PENK: variants seen among roughly 807,000 people sequenced by gnomAD.
PENK encodes proenkephalin-A.
PENK carries 25 observed loss-of-function variants against 24.1 expected under a neutral mutation model. The ratio of observed to expected loss-of-function variants is 1.04; its 90% confidence interval spans 0.76 to 1.45. The LOEUF is 1.45. Ranked by LOEUF, PENK falls within the 40% of genes most tolerant of loss-of-function variation. The pLI is 0.00. For missense variants in PENK, 353 were observed against 337.9 expected (o/e 1.04, Z -0.35); for synonymous variants, 135 against 130.3 (o/e 1.04, Z -0.24).
chr8:56,444,175 T>C (rs1437277), intron 3 of PENK, among the ~76,000 whole-genome samples: 125,608 of 152,226 alleles, frequency 0.83, 52,223 homozygotes, highest in African/African-American at 0.93. Context: ...GTGAATCAAA[T>C]AGATTAAGTA....
rs371829670 is a variant in PENK, at chr8:56,441,779, C to T, written c.297G>A (p.Arg99=). 2.9e-5 allele frequency: 47 copies of T among 1,613,874 alleles called. No homozygotes were observed. The highest frequency in any genetic ancestry group is 3.7e-5 in the Non-Finnish European group (44 of 1,180,036). Residue 99 remains arginine, a synonymous_variant, in exon 4 of 4, where the codon AGG becomes AGA. Coordinates refer to ENST00000451791, the MANE Select transcript of PENK (RefSeq NM_001135690.3). ...CATACCTTTTCATGAAGCCCCCATA[C>T]CTTTTGGCTAGCAAATGGCTTTCTT... The part of the protein sequence containing the change: ...KPEESHLLAK[R]YGGFMKRYGG...
intron 3 of PENK, among the ~76,000 whole-genome samples, chr8:56,443,193 G>A (rs944123562): frequency 6.6e-6 from 1 of 152,058 alleles, no homozygotes; most frequent in Non-Finnish European, 1.5e-5. Context: ...ATCTAAAGAT[G>A]ATCCATTAAT....
intron 3 of PENK, among the ~76,000 whole-genome samples, chr8:56,442,796 AATC>A (rs1345528528): frequency 6.6e-6 from 1 of 152,078 alleles, no homozygotes; most frequent in African/African-American, 2.4e-5. Flanking sequence ...GTAAAATAGG[AATC>A]ATCAGCATAC....
intron 3 of PENK, chr8:56,443,969 G>A (rs1006541801): frequency 1.4e-6 from 1 of 702,212 alleles, no homozygotes; most frequent in East Asian, 2.7e-5. Flanking sequence ...ATAAAAAGCA[G>A]TATGGAAAAT....
At position 56,446,196 on chromosome 8, in the gene PENK, C is replaced by T. The variant is rs149481658; in HGVS notation, c.-4+230G>A. 3.3e-3 allele frequency: 1,736 copies of T among 527,140 alleles called. 38 individuals carry two copies. The highest frequency in any genetic ancestry group is 0.03 in the African/African-American group (1,550 of 52,226). 32.7% of individuals were successfully genotyped at this position (527,140 alleles called of 1,614,324 possible). On this transcript the variant is annotated intron_variant, in intron 2 of 3. Coordinates refer to ENST00000451791, the MANE Select transcript of PENK (RefSeq NM_001135690.3). The stretch of plus-strand genomic sequence containing the variant: ...CCCCAACGCGAGGCTGCCTGGGGCA[C>T]CCGGCTCTTTTCCTGGGCGTCCGCG...
Position 56,441,170 on chromosome 8 carries a change from T to C in PENK, c.*102A>G. On this transcript the variant is annotated 3_prime_UTR_variant, in exon 4 of 4. Transcript: ENST00000451791. ...GTTATCCAGACAATGAAGTCAACTA[T>C]ACAAGGCAAGCAACACATGACAATA... 2 of 809,624 alleles carry C rather than the reference T, an allele frequency of 2.5e-6. No homozygotes were observed. Among genetic ancestry groups the C allele is most frequent in the Non-Finnish European group, 4.0e-6 (2 of 498,614 alleles). The allele number at this position is 809,624 out of a possible 1,614,324, so 50.2% of individuals were successfully genotyped here.
In PENK at chr8:56,441,298, T is replaced by C; in HGVS notation, c.778A>G (p.Arg260Gly). The C allele has an allele frequency of 6.2e-7, 1 of 1,605,942 alleles. No homozygotes were observed. The highest frequency in any genetic ancestry group is 2.2e-5 in the East Asian group (1 of 44,794). ...YSKEVPEMEK[R>G]YGGFMRF ...TAAAATCTCATAAATCCTCCGTATCTTTTTTCCATTTCAGGAACTTCTTTG... is the reference window on the plus strand; with the variant it reads ...TAAAATCTCATAAATCCTCCGTATCCTTTTTCCATTTCAGGAACTTCTTTG... The change falls in exon 4 of 4, where the codon AGA becomes GGA. Residue 260 changes from arginine (R) to glycine (G), a missense_variant. Arg to Gly is a moderately radical substitution (Grantham distance 125). Coordinates refer to ENST00000451791, the MANE Select transcript of PENK (RefSeq NM_001135690.3).
At chr8:56,445,535 G>A in intron 3 of PENK, 1 of 600,832 alleles carries the variant, frequency 1.7e-6, no homozygotes, top group South Asian at 2.0e-5. Context: ...CGGGGTTCCC[G>A]AATTCCCAGG....
Position 56,441,306 on chromosome 8 carries a change from A to C in PENK, c.770T>G (p.Met257Arg). ...GESYSKEVPE[M>R]EKRYGGFMRF ...CATAAATCCTCCGTATCTTTTTTCC[A>C]TTTCAGGAACTTCTTTGGAGTAACT... Residue 257 changes from methionine (M) to arginine (R), a missense_variant, in exon 4 of 4, where the codon ATG becomes AGG. Met to Arg is a moderately conservative substitution (Grantham distance 91). Transcript: ENST00000451791. The C allele has an allele frequency of 5.6e-6, 9 of 1,606,468 alleles. No homozygotes were observed. Among genetic ancestry groups the C allele is most frequent in the Non-Finnish European group, 7.6e-6 (9 of 1,177,394 alleles).
intron 3 of PENK, chr8:56,445,369 C>A (rs1299320266): frequency 1.5e-5 from 6 of 392,942 alleles, no homozygotes; most frequent in Non-Finnish European, 2.7e-5. Flanking sequence ...ATGTCACTAA[C>A]AAAAAATTAC....
In PENK at chr8:56,441,183, A is replaced by G; in HGVS notation, c.*89T>C. On this transcript the variant is annotated 3_prime_UTR_variant, in exon 4 of 4. Coordinates refer to ENST00000451791, the MANE Select transcript of PENK (RefSeq NM_001135690.3). ...TGAAGTCAACTATACAAGGCAAGCA[A>G]CACATGACAATAAAACACCATCAAC... 1.1e-6 allele frequency: 1 copy of G among 885,198 alleles called. No homozygotes were observed. 54.8% of individuals were successfully genotyped at this position (885,198 alleles called of 1,614,324 possible).
intron 3 of PENK, 22 bp downstream of exon 3, chr8:56,445,794 A>T (rs903474744): frequency 6.2e-7 from 1 of 1,613,096 alleles, no homozygotes; most frequent in Admixed American, 1.7e-5. Flanking sequence ...GGTGCGCAAC[A>T]CTCGCCGCGC....
intron 3 of PENK, among the ~76,000 whole-genome samples, chr8:56,442,332 A>T (rs1804576421): frequency 6.6e-6 from 1 of 152,164 alleles, no homozygotes; most frequent in Non-Finnish European, 1.5e-5. Flanking sequence ...AGAAATTTTT[A>T]TTTACCTAAT....
chr8:56,446,022 C>T (rs887005608), intron 2 of PENK, 66 bp from the exon 3 acceptor site: 60 of 1,485,120 alleles, frequency 4.0e-5, no homozygotes, highest in Admixed American at 1.5e-4. Flanking sequence ...CTCGGCAGGA[C>T]CCTCGCCGCG....
intron 3 of PENK, chr8:56,445,480 A>T (rs1804638858): frequency 1.1e-5 from 6 of 557,150 alleles, no homozygotes; most frequent in Middle Eastern, 4.7e-4. Context: ...CTGACAGCCC[A>T]GGAGAGAACC....
chr8:56,445,663 G>T, intron 3 of PENK, 153 bp downstream of exon 3: 1 of 918,890 alleles, frequency 1.1e-6, no homozygotes, highest in Non-Finnish European at 1.8e-6. Flanking sequence ...AGGAACAGCT[G>T]AGACACCCAG....
At position 56,441,292 on chromosome 8, in the gene PENK, C is replaced by T. The variant is rs145406179; in HGVS notation, c.784G>A (p.Gly262Arg). Residue 262 changes from glycine (G) to arginine (R), a missense_variant, in exon 4 of 4, where the codon GGA (glycine) becomes AGA (arginine). Gly to Arg is a moderately radical substitution (Grantham distance 125, BLOSUM62 -2). Transcript: ENST00000451791. ...AGATATTAAAATCTCATAAATCCTC[C>T]GTATCTTTTTTCCATTTCAGGAACT... ...KEVPEMEKRY[G>R]GFMRF 5.6e-4 allele frequency: 898 copies of T among 1,605,262 alleles called. 10 individuals are homozygous for T. Among genetic ancestry groups the T allele is most frequent in the African/African-American group, 1.8e-3 (132 of 74,446 alleles).
chr8:56,441,467 G>A lies in PENK; in HGVS notation c.609C>T (p.Ala203=). The A allele has an allele frequency of 6.2e-7, 1 of 1,613,162 alleles. No homozygotes were observed. The highest frequency in any genetic ancestry group is 8.5e-7 in the Non-Finnish European group (1 of 1,179,824). The part of the protein sequence containing the change: ...LKRSPQLEDE[A]KELQKRYGGF... Reference sequence around the variant, plus strand: ...CCCCATATCGCTTCTGCAGCTCTTTGGCTTCATCTTCCAGTTGGGGGCTTC... The same window carrying A: ...CCCCATATCGCTTCTGCAGCTCTTTAGCTTCATCTTCCAGTTGGGGGCTTC... The change falls in exon 4 of 4, where the codon GCC becomes GCT. Residue 203 remains alanine (A), a synonymous_variant. Coordinates refer to ENST00000451791, the MANE Select transcript of PENK (RefSeq NM_001135690.3).
rs1247462445 is a variant in PENK at position 56,445,880 on chromosome 8, T to G, written c.74A>C (p.Glu25Ala). 6.8e-6 allele frequency: 11 copies of G among 1,612,954 alleles called. No homozygotes were observed. Among genetic ancestry groups the G allele is most frequent in the Non-Finnish European group, 9.3e-6 (11 of 1,179,882 alleles). Residue 25 changes from glutamate to alanine, a missense_variant, in exon 3 of 4, where the codon GAA becomes GCA. Transcript: ENST00000451791. ...GPGLLATVRAECSQDCATCSY... is the reference protein window; with the variant it reads ...GPGLLATVRAACSQDCATCSY... Reference sequence around the variant, plus strand: ...GCACGTCGCGCAATCCTGGCTGCATTCGGCCCGCACGGTCGCCAGGAGCCC... The same window carrying G: ...GCACGTCGCGCAATCCTGGCTGCATGCGGCCCGCACGGTCGCCAGGAGCCC...
Sources: allele counts gnomAD v4.1 joint callset (sites outside exome capture counted in the v4.1 genomes callset), GRCh38; gene constraint gnomAD v4.1.1; transcripts MANE v1.5; gene names NCBI Gene and HGNC (gene_info 2026-07-23, HGNC 2026-07-21).